The following COMMD2 variants were observed in gnomAD, a reference collection of about 807,000 sequenced individuals.
The protein encoded by COMMD2 is COMM domain-containing protein 2.
A neutral mutation model predicts 22.5 loss-of-function variants in COMMD2; 25 were observed. That is an observed-to-expected ratio of 1.11 (90% CI 0.81 to 1.55). COMMD2 has a LOEUF of 1.55. COMMD2 is among the 40% of genes most tolerant of loss of function. The pLI is 0.00. For missense variants in COMMD2, 223 were observed against 232.9 expected (o/e 0.96, Z 0.28); for synonymous variants, 98 against 91.2 (o/e 1.07, Z -0.42).
At chr3:149,751,770 G>A (rs1576661130) in intron 2 of COMMD2, 1 of 282,812 alleles carries the variant, frequency 3.5e-6, no homozygotes, top group East Asian at 6.6e-5. Context: ...TGGCAGAAGA[G>A]GAACTCGACA....
At chr3:149,743,474 C>T (rs1406866422) in intron 4 of COMMD2, among the ~76,000 whole-genome samples, 1 of 152,110 alleles carries the variant, frequency 6.6e-6, no homozygotes, top group African/African-American at 2.4e-5. Context: ...CAAATCTAAA[C>T]CTGAGATTTC....
intron 4 of COMMD2, among the ~76,000 whole-genome samples, chr3:149,745,049 A>G (rs906097651): frequency 2.5e-4 from 38 of 152,192 alleles, no homozygotes; most frequent in Non-Finnish European, 1.5e-4. Flanking sequence ...CTGGACCCCA[A>G]AAGTCAGGGG....
chr3:149,743,265 G>A (rs1716285394), intron 4 of COMMD2, among the ~76,000 whole-genome samples: 1 of 152,062 alleles, frequency 6.6e-6, no homozygotes, highest in South Asian at 2.1e-4. Context: ...CCAACTTCAA[G>A]GTCCTTTCAA....
intron 2 of COMMD2, 33 bp downstream of exon 2, chr3:149,752,177 A>C (rs753815576): frequency 6.3e-7 from 1 of 1,594,344 alleles, no homozygotes; most frequent in Admixed American, 1.7e-5. Flanking sequence ...ACCGCCCTAG[A>C]AGCCTGCGGA....
intron 4 of COMMD2, among the ~76,000 whole-genome samples, chr3:149,746,091 T>C (rs188641204): frequency 5.3e-5 from 8 of 152,372 alleles, no homozygotes; most frequent in East Asian, 3.8e-4. Flanking sequence ...TTGCAACTTA[T>C]ATAAGCTGTC....
At chr3:149,751,380 A>G in intron 3 of COMMD2, 23 bp downstream of exon 3, 2 of 1,614,004 alleles carry the variant, frequency 1.2e-6, no homozygotes, top group Non-Finnish European at 1.7e-6. Context: ...AGCCAACACA[A>G]AACAGTCCAG....
chr3:149,747,548 C>T (rs1487999590), intron 4 of COMMD2, among the ~76,000 whole-genome samples: 5 of 152,132 alleles, frequency 3.3e-5, no homozygotes, highest in East Asian at 1.9e-4. Flanking sequence ...GAGTAAGTTA[C>T]GAGAGTAGAG....
intron 2 of COMMD2, chr3:149,751,862 T>C (rs114193008): frequency 3.6e-6 from 1 of 276,454 alleles, no homozygotes; most frequent in East Asian, 6.6e-5. Context: ...AAAGCGGATA[T>C]CTGAACAACT....
chr3:149,748,075 T>C (rs1716427165), intron 4 of COMMD2, among the ~76,000 whole-genome samples: 2 of 151,234 alleles, frequency 1.3e-5, no homozygotes, highest in African/African-American at 2.4e-5. Context: ...ATCGATTCAG[T>C]AGAGGCAAAC....
At position 149,739,103 on chromosome 3, in the gene COMMD2, T is replaced by C. The variant is rs538163485; in HGVS notation, c.*2418A>G. The C allele has an allele frequency of 5.3e-5, 8 of 152,274 alleles. No individual in the cohort carries two copies. Among genetic ancestry groups the C allele is most frequent in the African/African-American group, 1.9e-4 (8 of 41,568 alleles). 9.4% of individuals were successfully genotyped at this position (152,274 alleles called of 1,614,324 possible). A position where few individuals can be genotyped will look rare whatever the true frequency, so the allele number is the denominator to read the frequency against. ...AGTCTAAACATGCACCAGCCAATCG[T>C]GAAAAGTCAGCATACTCATAATCCA... On this transcript the variant is annotated 3_prime_UTR_variant, in exon 5 of 5. Transcript: ENST00000473414.
chr3:149,752,423 C>G lies in COMMD2; in HGVS notation c.22G>C (p.Glu8Gln). 6.2e-7 allele frequency: 1 copy of G among 1,613,972 alleles called. No individual in the cohort carries two copies. The highest frequency in any genetic ancestry group is 8.5e-7 in the Non-Finnish European group (1 of 1,179,916). Residue 8 changes from glutamate to glutamine, a missense_variant, in exon 1 of 5, where the codon GAG becomes CAG. By Grantham distance (29) the Glu-to-Gln change is conservative. Transcript: ENST00000473414. ...AGGAAGGCCAGGTGTTCCTTATGCT[C>G]CTCGGACAATTCCAGCAGCATCTTC... MLLELSEEHKEHLAFLPQ... is the reference protein window; with the variant it reads MLLELSEQHKEHLAFLPQ...
intron 2 of COMMD2, chr3:149,751,968 G>A (rs1173925015): frequency 6.7e-6 from 3 of 446,736 alleles, no homozygotes; most frequent in South Asian, 5.0e-5. Flanking sequence ...ATTTCTGAAA[G>A]TAAGGTGGTA....
At position 149,741,353 on chromosome 3, in the gene COMMD2, A is replaced by G. The variant is rs1716217734; in HGVS notation, c.*168T>C. The G allele has an allele frequency of 7.9e-6, 5 of 634,226 alleles. No individual in the cohort carries two copies. Among genetic ancestry groups the G allele is most frequent in the Non-Finnish European group, 1.3e-5 (5 of 371,840 alleles). 39.3% of individuals were successfully genotyped at this position (634,226 alleles called of 1,614,324 possible). ...AGTGCTGGGATAACTGGCATGAGCC[A>G]CTGCACCCAGCTTAGCTTCTGATTA... On this transcript the variant is annotated 3_prime_UTR_variant, in exon 5 of 5. Transcript: ENST00000473414.
rs1716178110 is a variant in COMMD2 at position 149,740,374 on chromosome 3, T to C, written c.*1147A>G. ...CCCTCATCATAGTTTATTCAAATTA[T>C]AAAAAGTGACTATAATTTGTATCCA... On this transcript the variant is annotated 3_prime_UTR_variant, in exon 5 of 5. Coordinates refer to ENST00000473414, the MANE Select transcript of COMMD2 (RefSeq NM_016094.4). 1 of 152,238 alleles carries C rather than the reference T, an allele frequency of 6.6e-6. No individual in the cohort carries two copies. Among genetic ancestry groups the C allele is most frequent in the Non-Finnish European group, 1.5e-5 (1 of 68,036 alleles). 9.4% of individuals were successfully genotyped at this position (152,238 alleles called of 1,614,324 possible).
rs116495682 is a variant in COMMD2 at position 149,742,344 on chromosome 3, G to A, written c.403-626C>T. 6.7e-4 allele frequency among the ~76,000 whole-genome samples: 102 copies of A among 152,260 alleles called. 1 individual carries two copies. The highest frequency in any genetic ancestry group is 2.3e-3 in the African/African-American group (97 of 41,550). On this transcript the variant is annotated intron_variant, in intron 4 of 4. Transcript: ENST00000473414. Reference sequence around the variant, plus strand: ...GAACTCTCACCCACTCCTGGTAAGCGATGAGAAAATCACTTTGGAAAACAA... The same window carrying A: ...GAACTCTCACCCACTCCTGGTAAGCAATGAGAAAATCACTTTGGAAAACAA...
chr3:149,749,263 C>CA (rs1419796218), intron 4 of COMMD2, among the ~76,000 whole-genome samples: 2 of 152,206 alleles, frequency 1.3e-5, no homozygotes, highest in African/African-American at 4.8e-5. Context: ...CTTGGCCTCT[C>CA]AAAGTGCTGA....
chr3:149,749,887 C>A (rs1716483647), intron 4 of COMMD2, among the ~76,000 whole-genome samples: 2 of 152,064 alleles, frequency 1.3e-5, no homozygotes, highest in South Asian at 4.1e-4. Flanking sequence ...TTTATAACTA[C>A]CTTTAATTAC....
chr3:149,745,316 T>G (rs1716339052), intron 4 of COMMD2, among the ~76,000 whole-genome samples: 2 of 152,196 alleles, frequency 1.3e-5, no homozygotes, highest in Non-Finnish European at 2.9e-5. Context: ...GATAAATAAT[T>G]TAAGAAGTCA....
At chr3:149,746,686 G>A (rs1388996991) in intron 4 of COMMD2, among the ~76,000 whole-genome samples, 1 of 152,116 alleles carries the variant, frequency 6.6e-6, no homozygotes, top group Non-Finnish European at 1.5e-5. Flanking sequence ...AGGAGGCTGA[G>A]GCAGGAGAAT....
Sources: gnomAD v4.1 joint callset for allele counts (sites outside exome capture counted in the v4.1 genomes callset) on GRCh38, gnomAD v4.1.1 for gene constraint, MANE v1.5 for transcripts, NCBI Gene and HGNC (gene_info 2026-07-23, HGNC 2026-07-21) for gene names.